The following STK32B variants were observed in gnomAD, a reference collection of about 807,000 sequenced individuals.
The protein encoded by STK32B is serine/threonine kinase 32B, also known as serine/threonine-protein kinase 32B.
STK32B carries 43 observed loss-of-function variants against 52.6 expected under a neutral mutation model. That is an observed-to-expected ratio of 0.82 (90% CI 0.64 to 1.05). The LOEUF (loss-of-function observed/expected upper bound fraction) is 1.05. Among genes scored for constraint, STK32B ranks in the 50% least tolerant of loss-of-function variants. STK32B has a pLI of 0.00. For missense variants in STK32B, 621 were observed against 534.6 expected (o/e 1.16, Z -1.59); for synonymous variants, 238 against 204.3 (o/e 1.17, Z -1.41).
At chr4:5,437,939 T>G in intron 6 of STK32B, 1 of 985,410 alleles carries the variant, frequency 1.0e-6, no homozygotes, top group Non-Finnish European at 1.2e-6. Context: ...GCTCCAAGTG[T>G]GTGGGGGAGG....
intron 4 of STK32B, among the ~76,000 whole-genome samples, chr4:5,336,297 T>G (rs1732691211): frequency 6.6e-6 from 1 of 151,810 alleles, no homozygotes; most frequent in Non-Finnish European, 1.5e-5. Context: ...CATCAAAGGT[T>G]TTCCAGGACA....
intron 3 of STK32B, among the ~76,000 whole-genome samples, chr4:5,258,958 C>G (rs918988602): frequency 1.3e-4 from 20 of 152,192 alleles, no homozygotes; most frequent in Non-Finnish European, 2.4e-4. Context: ...CTGCTTCACT[C>G]ACTTCTTTCC....
intron 1 of STK32B, among the ~76,000 whole-genome samples, chr4:5,075,287 C>G (rs1321764894): frequency 6.6e-6 from 1 of 152,132 alleles, no homozygotes; most frequent in Non-Finnish European, 1.5e-5. Flanking sequence ...GCCATAACTT[C>G]TCTTCAAAAA....
intron 4 of STK32B, among the ~76,000 whole-genome samples, chr4:5,377,185 T>A (rs1735642232): frequency 6.6e-6 from 1 of 152,196 alleles, no homozygotes; most frequent in African/African-American, 2.4e-5. Context: ...CATCTAGAAA[T>A]ATTCTTTAAA....
intron 1 of STK32B, among the ~76,000 whole-genome samples, chr4:5,054,618 C>T (rs534935932): frequency 6.6e-6 from 1 of 152,228 alleles, no homozygotes; most frequent in African/African-American, 2.4e-5. Flanking sequence ...GCCCAGTGGC[C>T]GTGGTCAGGT....
chr4:5,476,091 G>C (rs892731233), intron 11 of STK32B, among the ~76,000 whole-genome samples: 5 of 151,928 alleles, frequency 3.3e-5, no homozygotes, highest in African/African-American at 1.2e-4. Flanking sequence ...GTAGAGATGG[G>C]GTTTCGCCAC....
At position 5,477,339 on chromosome 4, in the gene STK32B, G is replaced by C. The variant is rs78064861; in HGVS notation, c.1106+9269G>C. Among the ~76,000 whole-genome samples the C allele has an allele frequency of 9.1e-3, 1,381 of 152,150 alleles. 23 individuals are homozygous for C. Among genetic ancestry groups the C allele is most frequent in the African/African-American group, 0.031 (1,279 of 41,494 alleles). ...TGGCTTCTTATGAAAAAGCCTTAGA[G>C]TCTCTGCCTGAGACCTCTGTGTTGA... On this transcript the variant is annotated intron_variant, in intron 11 of 11. Coordinates refer to ENST00000282908, the MANE Select transcript of STK32B (RefSeq NM_018401.3).
At chr4:5,275,268 T>G (rs1727738866) in intron 3 of STK32B, among the ~76,000 whole-genome samples, 1 of 152,260 alleles carries the variant, frequency 6.6e-6, no homozygotes, top group Non-Finnish European at 1.5e-5. Flanking sequence ...TCTGGCCTTT[T>G]TGTTCCATTA....
intron 2 of STK32B, among the ~76,000 whole-genome samples, chr4:5,156,745 A>G (rs1273706977): frequency 6.6e-6 from 1 of 152,224 alleles, no homozygotes; most frequent in Admixed American, 6.5e-5. Flanking sequence ...AGCTGGAGGC[A>G]GTCTGCACAT....
chr4:5,460,120 TGA>T lies in STK32B; in HGVS notation c.805_806del (p.Ser269ProfsTer7). 1 of 1,614,204 alleles carries T rather than the reference TGA, an allele frequency of 6.2e-7. No individual in the cohort carries two copies. Among genetic ancestry groups the T allele is most frequent in the Non-Finnish European group, 8.5e-7 (1 of 1,180,036 alleles). On this transcript the variant is annotated frameshift_variant, in exon 9 of 12. Transcript: ENST00000282908. LOFTEE classifies it high-confidence loss of function. This position sits in a 1 kb window ranked among gnomAD's most constrained non-coding sequence, Gnocchi z 4.8. Reference sequence around the variant, plus strand: ...AACTGCAGCTCCTGACCAAGGATCCTGAGAGCCGCGTGTCCAGCCTTCATGAC... The same window carrying T: ...AACTGCAGCTCCTGACCAAGGATCCTGAGCCGCGTGTCCAGCCTTCATGAC... ...LLRKLLTKDPESRVSSLHDIQ... is the reference protein window; with the variant it reads ...LLRKLLTKDPXSRVSSLHDIQ...
intron 3 of STK32B, among the ~76,000 whole-genome samples, chr4:5,330,816 CAGGG>C (rs1311046102): frequency 6.6e-6 from 1 of 152,158 alleles, no homozygotes; most frequent in Non-Finnish European, 1.5e-5. Flanking sequence ...CATGCATATG[CAGGG>C]AATGGAGGGA....
intron 2 of STK32B, among the ~76,000 whole-genome samples, chr4:5,156,047 AACACATACAGT>A (rs1560183016): frequency 2.0e-5 from 3 of 151,912 alleles, no homozygotes; most frequent in Non-Finnish European, 4.4e-5. Context: ...TCCACCACAA[AACACATACAGT>A]ACACATATTC....
intron 3 of STK32B, among the ~76,000 whole-genome samples, chr4:5,270,363 G>C (rs1414111230): frequency 6.6e-6 from 1 of 152,096 alleles, no homozygotes; most frequent in Non-Finnish European, 1.5e-5. Flanking sequence ...GACTAAACTA[G>C]TCTAGTCTTT....
chr4:5,227,699 G>T (rs1320972535), intron 3 of STK32B, among the ~76,000 whole-genome samples: 4 of 152,170 alleles, frequency 2.6e-5, no homozygotes, highest in African/African-American at 9.7e-5. Flanking sequence ...TTGCAAAAGT[G>T]CTTTCTCCCC....
chr4:5,394,453 G>T lies in STK32B; in HGVS notation c.435-3754G>T, dbSNP rs371379123. 2.0e-5 allele frequency among the ~76,000 whole-genome samples: 3 copies of T among 152,138 alleles called. No individual in the cohort carries two copies. The highest frequency in any genetic ancestry group is 4.4e-5 in the Non-Finnish European group (3 of 68,016). ...GGTCCTGAAACTGGCTAAACTAAAG[G>T]CTCTGCTAAGATGCTTTACCCATAA... On this transcript the variant is annotated intron_variant, in intron 4 of 11. Transcript: ENST00000282908. This position sits in a 1 kb window ranked among gnomAD's most constrained non-coding sequence, Gnocchi z 4.2.
chr4:5,038,487 A>G, the STK32B span, among the ~76,000 whole-genome samples: 2 of 152,224 alleles, frequency 1.3e-5, no homozygotes, highest in Non-Finnish European at 2.9e-5. Context: ...GAAGCCTACT[A>G]TATGCCTAGG....
intron 5 of STK32B, among the ~76,000 whole-genome samples, chr4:5,401,313 CTG>C (rs769152557): frequency 7.9e-5 from 12 of 152,160 alleles, no homozygotes; most frequent in Non-Finnish European, 1.3e-4. Flanking sequence ...AAACCAATAA[CTG>C]TGTATTGCTA....
At chr4:5,299,669 C>A (rs1280181682) in intron 3 of STK32B, among the ~76,000 whole-genome samples, 5 of 152,090 alleles carry the variant, frequency 3.3e-5, no homozygotes, top group Admixed American at 2.6e-4. Context: ...GTTACTGTAG[C>A]CTTGTGCTAT....
intron 3 of STK32B, among the ~76,000 whole-genome samples, chr4:5,321,380 C>A (rs1731478697): frequency 6.6e-6 from 1 of 152,168 alleles, no homozygotes; most frequent in Non-Finnish European, 1.5e-5. Flanking sequence ...TAAGAGAATG[C>A]AAGTTATAAA....
Sources: gnomAD v4.1 joint callset for allele counts (sites outside exome capture counted in the v4.1 genomes callset) on GRCh38, gnomAD v4.1.1 for gene constraint, Gnocchi (gnomAD v3.1) non-coding constraint, MANE v1.5 for transcripts, NCBI Gene and HGNC (gene_info 2026-07-23, HGNC 2026-07-21) for gene names.